The following MTREX variants were observed in gnomAD, a reference collection of about 807,000 sequenced individuals.
MTREX encodes the protein Mtr4 exosome RNA helicase, also known as exosome RNA helicase MTR4.
MTREX carries 76 observed loss-of-function variants against 135.4 expected under a neutral mutation model. The ratio of observed to expected loss-of-function variants is 0.56; its 90% CI spans 0.47 to 0.68. The LOEUF is 0.68. Ranked by LOEUF, MTREX falls within the 30% of genes least tolerant of loss-of-function variation. The pLI, the probability that MTREX is intolerant of heterozygous loss-of-function variation, is 0.00. For missense variants in MTREX, 920 were observed against 1,262.1 expected (o/e 0.73, Z 4.11); for synonymous variants, 404 against 401.6 (o/e 1.01, Z -0.07).
rs377514775 is a variant in MTREX at position 55,308,126 on chromosome 5, C to T, written c.113C>T (p.Pro38Leu). 1 of 1,609,972 alleles carries T rather than the reference C, an allele frequency of 6.2e-7. No homozygotes were observed. Among genetic ancestry groups the T allele is most frequent in the African/African-American group, 1.3e-5 (1 of 74,530 alleles). ...GACAAGGGGAAATGGAAGGGGCCTC[C>T]AGGGTCTGCAGACAAGGCAGGGTAA... ...EKDKGKWKGP[P>L]GSADKAGKRF... The change falls in exon 1 of 27, where the codon CCA (proline) becomes CTA (leucine). Residue 38 changes from proline to leucine, a missense_variant. Physicochemically the swap from Pro to Leu is moderately conservative, Grantham distance 98. Coordinates refer to ENST00000230640, the MANE Select transcript of MTREX (RefSeq NM_015360.5).
intron 15 of MTREX, among the ~76,000 whole-genome samples, chr5:55,360,165 G>C (rs558248080): frequency 3.5e-4 from 54 of 152,276 alleles, no homozygotes; most frequent in African/African-American, 1.3e-3. Flanking sequence ...GGATTTGTCT[G>C]TTGTGGACAT....
intron 1 of MTREX, among the ~76,000 whole-genome samples, chr5:55,316,919 C>CA (rs566635304): frequency 2.8e-4 from 43 of 152,168 alleles, no homozygotes; most frequent in Non-Finnish European, 5.1e-4. Context: ...CAAACAACTT[C>CA]AGCAAAGCTG....
intron 15 of MTREX, among the ~76,000 whole-genome samples, chr5:55,362,513 G>A (rs111430603): frequency 4.6e-5 from 7 of 151,838 alleles, no homozygotes; most frequent in African/African-American, 1.2e-4. Context: ...GGCATGTGCC[G>A]CCATGCCCAG....
At chr5:55,347,242 G>A (rs2112065324) in intron 11 of MTREX, 98 bp downstream of exon 11, 3 of 1,222,788 alleles carry the variant, frequency 2.5e-6, no homozygotes, top group East Asian at 2.6e-5. Context: ...ACTAGGATAT[G>A]CCATTCACCT....
intron 18 of MTREX, among the ~76,000 whole-genome samples, chr5:55,379,735 A>T (rs1242140689): frequency 6.6e-6 from 1 of 152,098 alleles, no homozygotes; most frequent in African/African-American, 2.4e-5. Context: ...TTTTATGTGG[A>T]GTTGGAAGTG....
In MTREX at chr5:55,388,143, G is replaced by A. The variant is rs757329544; in HGVS notation, c.2181+41G>A. ...TCTGTCTTCTGATTTCAGATATTCT[G>A]TAACTTATTTGTCATCACCAAAGTT... On this transcript the variant is annotated intron_variant, in intron 19 of 26. Coordinates refer to ENST00000230640, the MANE Select transcript of MTREX (RefSeq NM_015360.5). 25 of 1,556,826 alleles carry A rather than the reference G, an allele frequency of 1.6e-5. No homozygotes were observed. The African/African-American group carries it at 3.3e-4, about 20-fold the overall frequency.
intron 10 of MTREX, among the ~76,000 whole-genome samples, chr5:55,345,664 ATTTTTT>A (rs553778793): frequency 7.5e-6 from 1 of 132,860 alleles, no homozygotes. Context: ...GTTACTTTTA[ATTTTTT>A]TTTTTTTTTT....
intron 22 of MTREX, among the ~76,000 whole-genome samples, chr5:55,409,334 AG>A (rs1226102751): frequency 1.3e-5 from 2 of 152,218 alleles, no homozygotes; most frequent in Non-Finnish European, 2.9e-5. Context: ...GTCTATGATA[AG>A]AACCTGGACC....
At chr5:55,349,173 T>C (rs536210049) in intron 11 of MTREX, among the ~76,000 whole-genome samples, 20 of 151,502 alleles carry the variant, frequency 1.3e-4, no homozygotes, top group Non-Finnish European at 2.2e-4. Flanking sequence ...TTACTTTTGC[T>C]CTTTAAAGAC....
intron 1 of MTREX, among the ~76,000 whole-genome samples, chr5:55,318,416 A>G (rs1331672550): frequency 2.0e-5 from 3 of 152,224 alleles, no homozygotes; most frequent in Admixed American, 6.5e-5. Flanking sequence ...TGGTACGTAT[A>G]CACCATGAAA....
At chr5:55,322,268 G>A in intron 1 of MTREX, 59 bp from the exon 2 acceptor site, 2 of 1,446,446 alleles carry the variant, frequency 1.4e-6, no homozygotes, top group Non-Finnish European at 1.9e-6. Context: ...ATTTTATGAT[G>A]TTGCCCTTAA....
At chr5:55,366,321 C>G (rs2112086085) in intron 15 of MTREX, among the ~76,000 whole-genome samples, 1 of 152,218 alleles carries the variant, frequency 6.6e-6, no homozygotes, top group South Asian at 2.1e-4. Context: ...AGACCTCTAT[C>G]TCTACAAAAT....
At chr5:55,317,094 A>T (rs986435593) in intron 1 of MTREX, among the ~76,000 whole-genome samples, 1 of 152,174 alleles carries the variant, frequency 6.6e-6, no homozygotes, top group Admixed American at 6.5e-5. Flanking sequence ...GAGGTGAAAG[A>T]TATATGCAAT....
At position 55,328,299 on chromosome 5, in the gene MTREX, CTT is replaced by C. The variant is rs768247487; in HGVS notation, c.403-397_403-396del. 5.3e-5 allele frequency among the ~76,000 whole-genome samples: 8 copies of C among 152,202 alleles called. No homozygotes were observed. In the East Asian group the frequency reaches 1.5e-3, roughly 29 times the overall value. On this transcript the variant is annotated intron_variant, in intron 4 of 26. Transcript: ENST00000230640. ...CTACGGAGTGAACTTTACTGAGAGA[CTT>C]TTAGAGCCTCAGAGTTCCTACCTAT...
chr5:55,377,947 A>G (rs940801034), intron 16 of MTREX, among the ~76,000 whole-genome samples: 3 of 152,120 alleles, frequency 2.0e-5, no homozygotes, highest in South Asian at 2.1e-4. Context: ...ACTCATTTGA[A>G]AAGAGATCCT....
chr5:55,364,022 A>T (rs1251380946), intron 15 of MTREX, among the ~76,000 whole-genome samples: 1 of 152,174 alleles, frequency 6.6e-6, no homozygotes, highest in Non-Finnish European at 1.5e-5. Flanking sequence ...GAAATTTGAG[A>T]TGATTCTGGA....
Position 55,318,862 on chromosome 5 carries a change from C to G in MTREX, c.135-3465C>G, listed in dbSNP as rs571564667. Among the ~76,000 whole-genome samples, 21 of 152,182 alleles carry G rather than the reference C, an allele frequency of 1.4e-4. No individual in the cohort carries two copies. In the East Asian group the frequency reaches 2.7e-3, roughly 20 times the overall value. On this transcript the variant is annotated intron_variant, in intron 1 of 26. Coordinates refer to ENST00000230640, the MANE Select transcript of MTREX (RefSeq NM_015360.5). Reference sequence around the variant, plus strand: ...AACAGTCACTGCTTAACTTTTATTACAAGTAGTACTAAATGTCATTTCAGG... The same window carrying G: ...AACAGTCACTGCTTAACTTTTATTAGAAGTAGTACTAAATGTCATTTCAGG...
chr5:55,412,377 T>C (rs974254372), intron 23 of MTREX, among the ~76,000 whole-genome samples: 7 of 152,206 alleles, frequency 4.6e-5, no homozygotes, highest in African/African-American at 1.7e-4. Context: ...CTTTATAATA[T>C]AAAGATCAAG....
chr5:55,324,092 G>A lies in MTREX; in HGVS notation c.273-40G>A, dbSNP rs374313346. 163 of 1,422,882 alleles carry A rather than the reference G, an allele frequency of 1.1e-4. 1 individual carries two copies. In the African/African-American group the frequency reaches 2.2e-3, roughly 19 times the overall value. 88.1% of individuals were successfully genotyped at this position (1,422,882 alleles called of 1,614,324 possible). On this transcript the variant is annotated intron_variant, in intron 2 of 26. Coordinates refer to ENST00000230640, the MANE Select transcript of MTREX (RefSeq NM_015360.5). ...AGGCTTATTATCAAATTATAGAAAA[G>A]TAATTTGTTTTTGTGTAACTTTAAA...
Sources: gnomAD v4.1 joint callset for allele counts (sites outside exome capture counted in the v4.1 genomes callset) on GRCh38, gnomAD v4.1.1 for gene constraint, MANE v1.5 for transcripts, NCBI Gene and HGNC (gene_info 2026-07-23, HGNC 2026-07-21) for gene names.